Variants in NRXN3 observed in about 807,000 individuals in gnomAD.
NRXN3 encodes the protein neurexin 3.
In NRXN3, 32 loss-of-function variants were observed where a neutral mutation model predicts 137.6. The observed-to-expected ratio is 0.23, with a 90% CI of 0.18 to 0.31. The LOEUF (loss-of-function observed/expected upper bound fraction) is 0.31, where lower values mean the gene tolerates loss of function less well. NRXN3 is among the 10% of genes least tolerant of loss of function. The probability of loss-of-function intolerance (pLI) is 1.00; values close to 1 mark genes in which losing one functional copy is unlikely to be tolerated. For synonymous variants in NRXN3, 798 were observed against 784.5 expected (o/e 1.02, Z -0.29); for missense variants, 1,574 against 2,062.5 (o/e 0.76, Z 4.59).
At chr14:78,412,105 A>C (rs1263346535) in intron 4 of NRXN3, among the ~76,000 whole-genome samples, 1 of 152,218 alleles carries the variant, frequency 6.6e-6, no homozygotes, top group Non-Finnish European at 1.5e-5. Flanking sequence ...ACAGTGTAGT[A>C]AGACGTTAAT....
At chr14:78,531,327 A>G (rs544040612) in intron 4 of NRXN3, among the ~76,000 whole-genome samples, 1 of 152,270 alleles carries the variant, frequency 6.6e-6, no homozygotes, top group East Asian at 1.9e-4. Context: ...CACTTACTTC[A>G]TGTCAATCTT....
chr14:78,907,424 G>T (rs1027219114), intron 10 of NRXN3, among the ~76,000 whole-genome samples: 22 of 152,106 alleles, frequency 1.4e-4, no homozygotes, highest in African/African-American at 5.3e-4. Flanking sequence ...TATCATGTGA[G>T]CTTTGAATTA....
chr14:79,616,797 A>C (rs1004967453), intron 16 of NRXN3, among the ~76,000 whole-genome samples: 10 of 152,184 alleles, frequency 6.6e-5, no homozygotes, highest in African/African-American at 1.9e-4. Flanking sequence ...AGAAGGGTAG[A>C]AGATTAGAGA....
intron 20 of NRXN3, among the ~76,000 whole-genome samples, chr14:79,828,013 G>C (rs2099310669): frequency 6.6e-6 from 1 of 151,606 alleles, no homozygotes; most frequent in Non-Finnish European, 1.5e-5. Context: ...ACTTTTATAT[G>C]ACCGGATCTC....
chr14:78,936,193 T>C (rs953024050), intron 10 of NRXN3, among the ~76,000 whole-genome samples: 2 of 152,184 alleles, frequency 1.3e-5, no homozygotes, highest in African/African-American at 2.4e-5. Context: ...CACCCACCTT[T>C]CCACTGTGGT....
intron 15 of NRXN3, among the ~76,000 whole-genome samples, chr14:79,340,863 A>T (rs562997266): frequency 6.6e-6 from 1 of 152,310 alleles, no homozygotes; most frequent in African/African-American, 2.4e-5. Flanking sequence ...ACGATATCTT[A>T]TCTCTCTCAA....
intron 15 of NRXN3, among the ~76,000 whole-genome samples, chr14:79,251,705 A>C (rs1357508761): frequency 6.6e-6 from 1 of 152,188 alleles, no homozygotes; most frequent in Non-Finnish European, 1.5e-5. Flanking sequence ...GCACATTTTT[A>C]AGTGACGGGT....
At chr14:78,531,192 C>G (rs1252414247) in intron 4 of NRXN3, among the ~76,000 whole-genome samples, 1 of 152,158 alleles carries the variant, frequency 6.6e-6, no homozygotes, top group African/African-American at 2.4e-5. Context: ...AAGCTTAGGA[C>G]AGGAGCTGAT....
At chr14:79,412,697 C>T (rs1303002860) in intron 15 of NRXN3, among the ~76,000 whole-genome samples, 12 of 142,946 alleles carry the variant, frequency 8.4e-5, no homozygotes, top group Admixed American at 6.7e-4. Context: ...GCAATAGAAT[C>T]GCTTGAACCC....
chr14:79,567,328 T>A (rs901749605), intron 16 of NRXN3, among the ~76,000 whole-genome samples: 3 of 151,960 alleles, frequency 2.0e-5, no homozygotes, highest in African/African-American at 7.2e-5. Flanking sequence ...CAAGAAATTA[T>A]CTGTACCGAT....
chr14:79,469,554 C>T (rs2096472269), intron 16 of NRXN3, among the ~76,000 whole-genome samples: 1 of 152,036 alleles, frequency 6.6e-6, no homozygotes, highest in Non-Finnish European at 1.5e-5. Context: ...TTTGTATGAG[C>T]AAAATTACCA....
intron 15 of NRXN3, among the ~76,000 whole-genome samples, chr14:79,335,117 G>A (rs2153344215): frequency 6.6e-6 from 1 of 152,214 alleles, no homozygotes; most frequent in East Asian, 1.9e-4. Flanking sequence ...CACAGGCTCT[G>A]CTCTCCTAAT....
chr14:78,318,780 G>T (rs7154078), intron 4 of NRXN3, among the ~76,000 whole-genome samples: 34,956 of 152,024 alleles, frequency 0.23, 4,150 homozygotes, highest in East Asian at 0.29. Context: ...GAAGGATGTG[G>T]TTATCAGGTT....
At chr14:79,218,055 A>G (rs892368962) in intron 15 of NRXN3, among the ~76,000 whole-genome samples, 3 of 152,204 alleles carry the variant, frequency 2.0e-5, no homozygotes, top group Non-Finnish European at 2.9e-5. Context: ...GCTGAAAGGG[A>G]CCTGTTTCCT....
At chr14:79,777,824 A>T (rs927198473) in intron 19 of NRXN3, among the ~76,000 whole-genome samples, 3 of 152,022 alleles carry the variant, frequency 2.0e-5, no homozygotes, top group Non-Finnish European at 2.9e-5. Context: ...AATATAAAAA[A>T]AAATTTAACA....
chr14:79,859,194 T>A (rs2141915076), intron 20 of NRXN3, among the ~76,000 whole-genome samples: 1 of 152,286 alleles, frequency 6.6e-6, no homozygotes, highest in Admixed American at 6.5e-5. Flanking sequence ...AGGCCAGAGA[T>A]GACACTGCAA....
chr14:78,386,137 C>T (rs188735586), intron 4 of NRXN3, among the ~76,000 whole-genome samples: 19 of 152,070 alleles, frequency 1.2e-4, no homozygotes, highest in African/African-American at 3.9e-4. Context: ...TAGATAGATG[C>T]GGGCAGACAG....
At chr14:78,464,469 T>A (rs904095210) in intron 4 of NRXN3, among the ~76,000 whole-genome samples, 13 of 152,296 alleles carry the variant, frequency 8.5e-5, no homozygotes, top group African/African-American at 2.4e-4. Context: ...GGTGAGAGAA[T>A]TCAGAAGTCA....
intron 8 of NRXN3, among the ~76,000 whole-genome samples, chr14:78,751,407 G>T (rs2098641358): frequency 6.6e-6 from 1 of 151,664 alleles, no homozygotes; most frequent in African/African-American, 2.4e-5. Flanking sequence ...TTAACTCAGG[G>T]GAGGAGTCCA....
Sources: allele counts gnomAD v4.1 joint callset (sites outside exome capture counted in the v4.1 genomes callset), GRCh38; gene constraint gnomAD v4.1.1; transcripts MANE v1.5; gene names NCBI Gene and HGNC (gene_info 2026-07-23, HGNC 2026-07-21).